Variants in SRRM1 observed in about 807,000 individuals in gnomAD.
SRRM1 encodes serine and arginine repetitive matrix 1.
Under a neutral mutation model 110.2 loss-of-function variants are expected in SRRM1, and 19 were observed. The observed-to-expected ratio is 0.17, with a 90% CI of 0.12 to 0.25. The LOEUF is 0.25. Among genes scored for constraint, SRRM1 ranks in the 10% least tolerant of loss-of-function variants. The pLI, the probability that SRRM1 is intolerant of heterozygous loss-of-function variation, is 1.00. For synonymous variants in SRRM1, 443 were observed against 414.9 expected (o/e 1.07, Z -0.82); for missense variants, 918 against 1,145.8 (o/e 0.80, Z 2.87).
intron 12 of SRRM1, among the ~76,000 whole-genome samples, chr1:24,665,343 C>T (rs1237538187): frequency 2.7e-5 from 4 of 148,580 alleles, no homozygotes; most frequent in Non-Finnish European, 6.0e-5. Flanking sequence ...GCAGGAGAAT[C>T]GTTTGAATCC....
intron 14 of SRRM1, 23 bp downstream of exon 14, chr1:24,669,610 C>T (rs746875939): frequency 6.7e-7 from 1 of 1,499,478 alleles, no homozygotes; most frequent in South Asian, 1.2e-5. Flanking sequence ...TATGCTTTTC[C>T]ATTAGGAATA....
At chr1:24,669,966 G>A in intron 14 of SRRM1, 154 bp from the exon 15 acceptor site, 1 of 710,350 alleles carries the variant, frequency 1.4e-6, no homozygotes, top group Non-Finnish European at 2.4e-6. Context: ...GGAAACATAG[G>A]TAATGTAAAT....
At position 24,650,055 on chromosome 1, in the gene SRRM1, GA is replaced by G; in HGVS notation, c.496del (p.Arg166GlyfsTer63). On this transcript the variant is annotated frameshift_variant, in exon 5 of 17. Coordinates refer to ENST00000323848, the MANE Select transcript of SRRM1 (RefSeq NM_005839.4). LOFTEE classifies it high-confidence loss of function. ...RDKEEKESSR[E>X]KRERSRSPRR... ...TAAGGAAGAAAAAGAAAGCAGCAGA[GA>G]AAAAAGGGAGCGGTCTCGTAGCCCA... The G allele has an allele frequency of 1.3e-6, 2 of 1,590,740 alleles. No individual in the cohort carries two copies. The highest frequency in any genetic ancestry group is 1.2e-5 in the South Asian group (1 of 86,852).
At chr1:24,644,502 A>C (rs1447067150) in intron 1 of SRRM1, among the ~76,000 whole-genome samples, 1 of 152,252 alleles carries the variant, frequency 6.6e-6, no homozygotes. Flanking sequence ...CCAGAACTTT[A>C]GTAAAAATAT....
At position 24,669,161 on chromosome 1, in the gene SRRM1, C is replaced by T. The variant is rs1189898199; in HGVS notation, c.1778C>T (p.Pro593Leu). The T allele has an allele frequency of 2.0e-5, 32 of 1,613,334 alleles. No homozygotes were observed. Among genetic ancestry groups the T allele is most frequent in the Non-Finnish European group, 2.6e-5 (31 of 1,179,372 alleles). Residue 593 changes from proline (P) to leucine (L), a missense_variant, in exon 14 of 17, where the codon CCT (proline) becomes CTT (leucine). Physicochemically the swap from Pro to Leu is moderately conservative, Grantham distance 98 (BLOSUM62 -3). Coordinates refer to ENST00000323848, the MANE Select transcript of SRRM1 (RefSeq NM_005839.4). ...SPPPRRRSPS[P>L]RRYSPPIQRR... ...CCCCCACGTCGGCGCTCACCTTCTC[C>T]TAGAAGATACTCTCCTCCAATACAG...
At chr1:24,667,473 A>G (rs944871620) in intron 13 of SRRM1, among the ~76,000 whole-genome samples, 20 of 152,230 alleles carry the variant, frequency 1.3e-4, no homozygotes, top group Non-Finnish European at 8.8e-5. Flanking sequence ...TCCTCAATAA[A>G]ACATTGGCAT....
In SRRM1 at chr1:24,669,282, G is replaced by A; in HGVS notation, c.1899G>A (p.Arg633=). The A allele has an allele frequency of 6.2e-7, 1 of 1,614,024 alleles. No homozygotes were observed. The highest frequency in any genetic ancestry group is 8.5e-7 in the Non-Finnish European group (1 of 1,180,026). ...CATCACCATCTCCACCACCAAAGCGGCGGGTCTCCCATTCTCCACCTCCCA... is the reference window on the plus strand; with the variant it reads ...CATCACCATCTCCACCACCAAAGCGACGGGTCTCCCATTCTCCACCTCCCA... ...RRASPSPPPK[R]RVSHSPPPKQ... is the part of the protein sequence containing the mutation. Residue 633 remains arginine, a synonymous_variant, in exon 14 of 17, where the codon CGG becomes CGA. Coordinates refer to ENST00000323848, the MANE Select transcript of SRRM1 (RefSeq NM_005839.4).
At chr1:24,649,680 T>TTTTTA (rs1233314844) in intron 4 of SRRM1, among the ~76,000 whole-genome samples, 1 of 152,174 alleles carries the variant, frequency 6.6e-6, no homozygotes, top group African/African-American at 2.4e-5. Context: ...GTGATTTTCT[T>TTTTTA]TTTTATTTTA....
chr1:24,643,491 C>CA lies in SRRM1; in HGVS notation c.21+144_21+145insA, dbSNP rs1553162711. 6.9e-6 allele frequency: 4 copies of CA among 577,856 alleles called. No individual in the cohort carries two copies. The East Asian group carries it at 1.5e-4, about 21-fold the overall frequency. The allele number at this position is 577,856 out of a possible 1,614,324, so 35.8% of individuals were successfully genotyped here. ...CTCCTAGAGCCGGCGCACCCCCCCC[C>CA]CCCCCGTGCGCTGCGGCGGAGACCG... On this transcript the variant is annotated intron_variant, in intron 1 of 16. Transcript: ENST00000323848.
At chr1:24,654,801 A>G in intron 8 of SRRM1, 54 bp from the exon 9 acceptor site, 1 of 1,601,516 alleles carries the variant, frequency 6.2e-7, no homozygotes, top group South Asian at 1.1e-5. Flanking sequence ...TCATACCTGT[A>G]AGGCCGTTCT....
In SRRM1 at chr1:24,666,835, C is replaced by T; in HGVS notation, c.1649C>T (p.Pro550Leu). The change falls in exon 13 of 17, where the codon CCA becomes CTA. Residue 550 changes from proline to leucine, a missense_variant. This residue lies in a region of SRRM1 where 357 missense variants were observed against 402.9 expected (regional missense o/e 0.89). Coordinates refer to ENST00000323848, the MANE Select transcript of SRRM1 (RefSeq NM_005839.4). ...TTTAGTGGTAGACGGAGGAGAAGTC[C>T]ATCCCCACCACCCACCAGAAGGCGA... The part of the protein sequence containing the change: ...TSPRGRRRRS[P>L]SPPPTRRRRS... The T allele has an allele frequency of 6.2e-7, 1 of 1,613,326 alleles. No homozygotes were observed. Among genetic ancestry groups the T allele is most frequent in the Non-Finnish European group, 8.5e-7 (1 of 1,179,698 alleles).
intron 4 of SRRM1, among the ~76,000 whole-genome samples, chr1:24,649,373 C>T (rs890928896): frequency 1.3e-5 from 2 of 152,232 alleles, no homozygotes; most frequent in African/African-American, 2.4e-5. Flanking sequence ...GGCTAGAGTG[C>T]AGTGGTGTGG....
Position 24,672,169 on chromosome 1 carries a change from C to T in SRRM1, c.2611-13C>T, listed in dbSNP as rs773130757. The T allele has an allele frequency of 6.3e-7, 1 of 1,597,762 alleles. No individual in the cohort carries two copies. The highest frequency in any genetic ancestry group is 8.6e-7 in the Non-Finnish European group (1 of 1,169,186). Reference sequence around the variant, plus strand: ...GTCTCAAGACTTAACCGTGTAAATTCTGTTTTTTTTAGGAGACTGAAAGTG... The same window carrying T: ...GTCTCAAGACTTAACCGTGTAAATTTTGTTTTTTTTAGGAGACTGAAAGTG... On this transcript the variant is annotated splice_polypyrimidine_tract_variant and intron_variant, in intron 16 of 16. Transcript: ENST00000323848.
chr1:24,669,882 G>A (rs147744986), intron 14 of SRRM1: 26 of 557,322 alleles, frequency 4.7e-5, no homozygotes, highest in Non-Finnish European at 7.8e-5. Flanking sequence ...GTAAGGAACT[G>A]ACATTACTAA....
chr1:24,646,929 C>T, intron 3 of SRRM1, 140 bp downstream of exon 3: 2 of 672,876 alleles, frequency 3.0e-6, no homozygotes, highest in Non-Finnish European at 4.6e-6. Context: ...ACTTTGTAAA[C>T]AACTATTAAG....
rs771968094 is a variant in SRRM1 at position 24,651,401 on chromosome 1, C to A, written c.522-8C>A. 29 of 1,610,528 alleles carry A rather than the reference C, an allele frequency of 1.8e-5. No homozygotes were observed. Among genetic ancestry groups the A allele is most frequent in the Non-Finnish European group, 2.4e-5 (28 of 1,178,532 alleles). On this transcript the variant is annotated splice_polypyrimidine_tract_variant and splice_region_variant and intron_variant, in intron 5 of 16. Coordinates refer to ENST00000323848, the MANE Select transcript of SRRM1 (RefSeq NM_005839.4). ...TTAAAAACCTGAAAAAAATTACTTT[C>A]ATCCTAGACGCAAATCCAGATCTCC... is the stretch of plus-strand genomic sequence containing the variant.
Position 24,654,957 on chromosome 1 carries a change from C to A in SRRM1, c.1143C>A (p.Pro381=). 1.2e-6 allele frequency: 2 copies of A among 1,614,218 alleles called. No homozygotes were observed. Among genetic ancestry groups the A allele is most frequent in the Non-Finnish European group, 1.7e-6 (2 of 1,180,044 alleles). Residue 381 remains proline, a synonymous_variant, in exon 9 of 17, where the codon CCC becomes CCA. Transcript: ENST00000323848. ...PKKPPKRTSS[P]PRKTRRLSPS... ...AGCCTCCCAAGAGGACATCCAGCCC[C>A]CCTCGGAAAACTCGTAGGTTATCTC...
chr1:24,654,393 A>C, intron 8 of SRRM1: 1 of 1,262,142 alleles, frequency 7.9e-7, no homozygotes, highest in Non-Finnish European at 1.0e-6. Context: ...GCAGAATTCG[A>C]GAGGCCCCTG....
At chr1:24,666,719 C>T in intron 12 of SRRM1, 96 bp from the exon 13 acceptor site, 2 of 918,788 alleles carry the variant, frequency 2.2e-6, no homozygotes, top group South Asian at 1.5e-5. Context: ...GAGCCAAGAT[C>T]ATGCCATTGC....
Sources: gnomAD v4.1 joint callset for allele counts (sites outside exome capture counted in the v4.1 genomes callset) on GRCh38, gnomAD v4.1.1 for gene constraint, gnomAD v4.1.1 regional missense constraint, MANE v1.5 for transcripts, NCBI Gene and HGNC (gene_info 2026-07-23, HGNC 2026-07-21) for gene names.